ZMYND11: variants seen among roughly 807,000 people sequenced by gnomAD.
ZMYND11 encodes the protein zinc finger MYND domain-containing protein 11.
A neutral mutation model predicts 84.9 loss-of-function variants in ZMYND11; 9 were observed. The ratio of observed to expected loss-of-function variants is 0.11; its 90% CI spans 0.06 to 0.18. ZMYND11 has a LOEUF of 0.18. Ranked by LOEUF, ZMYND11 falls within the 10% of genes least tolerant of loss-of-function variation. The pLI, the probability that ZMYND11 is intolerant of heterozygous loss-of-function variation, is 1.00. For synonymous variants in ZMYND11, 250 were observed against 244.1 expected (o/e 1.02, Z -0.23); for missense variants, 409 against 761.0 (o/e 0.54, Z 5.44).
chr10:140,003 GC>G (rs1837129437), intron 1 of ZMYND11, among the ~76,000 whole-genome samples: 1 of 152,074 alleles, frequency 6.6e-6, no homozygotes, highest in South Asian at 2.1e-4. Flanking sequence ...ACCGTGCCTG[GC>G]CACACATTGT....
At chr10:165,172 C>G (rs951534242) in intron 1 of ZMYND11, among the ~76,000 whole-genome samples, 2 of 148,824 alleles carry the variant, frequency 1.3e-5, no homozygotes, top group South Asian at 4.1e-4. Flanking sequence ...TTCACTAAGA[C>G]AGCTCTTGCC....
chr10:244,097 TTTTCCTGGATACAA>T (rs1171697096), intron 10 of ZMYND11, among the ~76,000 whole-genome samples: 1 of 150,382 alleles, frequency 6.6e-6, no homozygotes, highest in Admixed American at 6.6e-5. Flanking sequence ...TCATTTTCCT[TTTTCCTGGATACAA>T]TGTGAACAAT....
intron 4 of ZMYND11, among the ~76,000 whole-genome samples, chr10:234,018 T>C (rs1198848577): frequency 6.6e-6 from 1 of 152,200 alleles, no homozygotes; most frequent in Non-Finnish European, 1.5e-5. Flanking sequence ...ACTGGGTAAT[T>C]ACATGAACAA....
intron 1 of ZMYND11, among the ~76,000 whole-genome samples, chr10:152,264 G>A (rs1031359815): frequency 1.3e-5 from 2 of 152,184 alleles, no homozygotes; most frequent in South Asian, 4.1e-4. Flanking sequence ...AAAAGACACA[G>A]ACTGGCAAAT....
At chr10:154,209 A>G (rs575186743) in intron 1 of ZMYND11, among the ~76,000 whole-genome samples, 2 of 152,314 alleles carry the variant, frequency 1.3e-5, no homozygotes, top group African/African-American at 4.8e-5. Context: ...TGGATATATC[A>G]TATTGTTGAA....
chr10:131,975 G>A (rs1378702796), upstream of ZMYND11, among the ~76,000 whole-genome samples: 5 of 152,076 alleles, frequency 3.3e-5, no homozygotes, highest in African/African-American at 1.2e-4. Context: ...GCATCCACAG[G>A]TGACTGGAAA....
intron 9 of ZMYND11, among the ~76,000 whole-genome samples, chr10:241,534 C>T (rs191192885): frequency 6.6e-6 from 1 of 152,332 alleles, no homozygotes; most frequent in East Asian, 1.9e-4. Context: ...TCACAAGAGA[C>T]CTAAGGCTTT....
At chr10:233,938 G>A (rs1949453966) in intron 4 of ZMYND11, among the ~76,000 whole-genome samples, 2 of 152,184 alleles carry the variant, frequency 1.3e-5, no homozygotes, top group African/African-American at 2.4e-5. Context: ...TTATGAGAGC[G>A]TGTAGTATCT....
chr10:143,403 G>C (rs890959330), intron 1 of ZMYND11, among the ~76,000 whole-genome samples: 1 of 152,032 alleles, frequency 6.6e-6, no homozygotes, highest in African/African-American at 2.4e-5. Context: ...TTTCTATCTC[G>C]AAAGTATGTC....
At chr10:225,735 C>T (rs1176604739) in intron 4 of ZMYND11, among the ~76,000 whole-genome samples, 2 of 152,162 alleles carry the variant, frequency 1.3e-5, no homozygotes, top group African/African-American at 2.4e-5. Context: ...TAGAGACAGA[C>T]GTGTGCTTGG....
intron 2 of ZMYND11, among the ~76,000 whole-genome samples, chr10:187,048 T>A (rs1331484457): frequency 6.6e-6 from 1 of 151,932 alleles, no homozygotes; most frequent in African/African-American, 2.4e-5. Context: ...AGCAACATAT[T>A]GAGACCCTAT....
At chr10:142,752 C>T (rs576717927) in intron 1 of ZMYND11, among the ~76,000 whole-genome samples, 1 of 152,246 alleles carries the variant, frequency 6.6e-6, no homozygotes, top group East Asian at 1.9e-4. Context: ...CTTATAAAAG[C>T]AGGAGGTAGA....
upstream of ZMYND11, among the ~76,000 whole-genome samples, chr10:134,075 T>C (rs1835414825): frequency 6.6e-6 from 1 of 152,146 alleles, no homozygotes; most frequent in South Asian, 2.1e-4. Context: ...AGACGGCCAA[T>C]AGATACCTGA....
intron 1 of ZMYND11, among the ~76,000 whole-genome samples, chr10:169,885 G>A (rs1844878285): frequency 6.6e-6 from 1 of 152,090 alleles, no homozygotes; most frequent in African/African-American, 2.4e-5. Flanking sequence ...CAATATTTGA[G>A]TCAAAAATGC....
chr10:132,559 C>T (rs75026868), upstream of ZMYND11, among the ~76,000 whole-genome samples: 7,853 of 152,156 alleles, frequency 0.052, 310 homozygotes, highest in African/African-American at 0.11. Flanking sequence ...GGTGCTGTGA[C>T]GTTTACACTC....
intron 4 of ZMYND11, among the ~76,000 whole-genome samples, chr10:231,849 A>G (rs112283598): frequency 3.0e-4 from 46 of 152,372 alleles, no homozygotes; most frequent in African/African-American, 1.1e-3. Context: ...TGCTTCAGAC[A>G]TGCGATTACC....
chr10:206,237 G>C (rs1349712514), intron 2 of ZMYND11, among the ~76,000 whole-genome samples: 1 of 152,120 alleles, frequency 6.6e-6, no homozygotes, highest in Non-Finnish European at 1.5e-5. Context: ...GCCAGCACCT[G>C]TAGTCCCAGC....
At chr10:137,304 C>G (rs1216866166) in intron 1 of ZMYND11, among the ~76,000 whole-genome samples, 9 of 152,218 alleles carry the variant, frequency 5.9e-5, no homozygotes, top group Admixed American at 3.9e-4. Flanking sequence ...GTGGCCCATT[C>G]AGGACCCTGC....
At chr10:192,251 T>A (rs1940640432) in intron 2 of ZMYND11, among the ~76,000 whole-genome samples, 1 of 152,192 alleles carries the variant, frequency 6.6e-6, no homozygotes, top group African/African-American at 2.4e-5. Flanking sequence ...TGAAGTGTGC[T>A]AAGTAGCAGG....
Sources: allele counts gnomAD v4.1 joint callset (sites outside exome capture counted in the v4.1 genomes callset), GRCh38; gene constraint gnomAD v4.1.1; transcripts MANE v1.5; gene names NCBI Gene and HGNC (gene_info 2026-07-23, HGNC 2026-07-21).